ITPRID2: variants seen among roughly 807,000 people sequenced by gnomAD.
The protein encoded by ITPRID2 is protein ITPRID2.
In ITPRID2, 60 loss-of-function variants were observed where a neutral mutation model predicts 124.3. The observed-to-expected ratio is 0.48, with a 90% confidence interval of 0.39 to 0.60. The LOEUF (loss-of-function observed/expected upper bound fraction) is 0.60, where lower values mean the gene tolerates loss of function less well. Among genes scored for constraint, ITPRID2 ranks in the 20% least tolerant of loss-of-function variants. ITPRID2 has a pLI of 0.00. For synonymous variants in ITPRID2, 521 were observed against 542.9 expected, an observed-to-expected ratio of 0.96 and a Z score of 0.56; for missense variants, 1,553 against 1,512.2, an observed-to-expected ratio of 1.03 and a Z score of -0.45.
intron 2 of ITPRID2, chr2:181,893,743 G>A (rs1044059717): frequency 1.3e-5 from 2 of 152,172 alleles, no homozygotes; most frequent in Non-Finnish European, 2.9e-5. Flanking sequence ...TTACAATCTA[G>A]CTGTAAATCA....
chr2:181,897,977 T>A (rs1348673401), intron 4 of ITPRID2, among the ~76,000 whole-genome samples: 1 of 152,038 alleles, frequency 6.6e-6, no homozygotes, highest in Non-Finnish European at 1.5e-5. Flanking sequence ...GTTATTAAAA[T>A]GCACTTTGCA....
Position 181,892,394 on chromosome 2 carries a change from A to T in ITPRID2, c.211+117A>T. On this transcript the variant is annotated intron_variant, in intron 1 of 17. Coordinates refer to ENST00000431877, the MANE Select transcript of ITPRID2 (RefSeq NM_001130445.3). The surrounding 1 kb of genome is among the most constrained non-coding windows in gnomAD (Gnocchi z 5.2). ...CTCGGGCACGGTAGGCCGAGGGGAG[A>T]GGGGACACTTCCGACCTTCAAACGC... 7.9e-7 allele frequency: 1 copy of T among 1,267,048 alleles called. No individual in the cohort carries two copies. Among genetic ancestry groups the T allele is most frequent in the Non-Finnish European group, 1.1e-6 (1 of 928,958 alleles). 78.5% of individuals were successfully genotyped at this position (1,267,048 alleles called of 1,614,324 possible).
intron 8 of ITPRID2, among the ~76,000 whole-genome samples, chr2:181,909,351 A>G (rs1391930888): frequency 2.0e-5 from 3 of 152,182 alleles, no homozygotes; most frequent in Non-Finnish European, 2.9e-5. Flanking sequence ...TCTATTTTCA[A>G]AGATGCGAGA....
chr2:181,900,461 G>T (rs1212055322), intron 6 of ITPRID2, among the ~76,000 whole-genome samples: 2 of 152,128 alleles, frequency 1.3e-5, no homozygotes, highest in Non-Finnish European at 2.9e-5. Context: ...GTTCGTTGGG[G>T]TTAGCTCTTT....
chr2:181,903,705 T>C (rs945112216), intron 8 of ITPRID2, among the ~76,000 whole-genome samples: 3 of 152,176 alleles, frequency 2.0e-5, no homozygotes, highest in African/African-American at 7.2e-5. Context: ...TTTCTTTGTA[T>C]ATGTTTATAT....
Position 181,902,364 on chromosome 2 carries a change from T to A in ITPRID2, c.1311T>A (p.Ser437Arg). Reference sequence around the variant, plus strand: ...TGGAAAATAGCAGTGAGCTGAAAAGTGTCCATATATCCACACCTGAAAAAG... The same window carrying A: ...TGGAAAATAGCAGTGAGCTGAAAAGAGTCCATATATCCACACCTGAAAAAG... Reference protein sequence around the residue: ...SELENSSELKSVHISTPEKEP... With the variant: ...SELENSSELKRVHISTPEKEP... The change falls in exon 8 of 18, where the codon AGT becomes AGA. Residue 437 changes from serine to arginine, a missense_variant. Physicochemically the swap from Ser to Arg is moderately radical, Grantham distance 110. Transcript: ENST00000431877. The surrounding 1 kb of genome is among the most constrained non-coding windows in gnomAD (Gnocchi z 4.4). The A allele has an allele frequency of 6.2e-7, 1 of 1,613,920 alleles. No individual in the cohort carries two copies. Among genetic ancestry groups the A allele is most frequent in the Non-Finnish European group, 8.5e-7 (1 of 1,179,874 alleles).
Position 181,892,805 on chromosome 2 carries a change from C to T in ITPRID2, c.257+145C>T, listed in dbSNP as rs972108635. 3.4e-6 allele frequency: 3 copies of T among 869,796 alleles called. No homozygotes were observed. Among genetic ancestry groups the T allele is most frequent in the African/African-American group, 3.4e-5 (2 of 59,568 alleles). 53.9% of individuals were successfully genotyped at this position (869,796 alleles called of 1,614,324 possible). On this transcript the variant is annotated intron_variant, in intron 2 of 17. Coordinates refer to ENST00000431877, the MANE Select transcript of ITPRID2 (RefSeq NM_001130445.3). The surrounding 1 kb of genome is among the most constrained non-coding windows in gnomAD (Gnocchi z 5.2). ...AAGTGAGCCGGCGGATAGCTTCCTC[C>T]TCTAAGCGATTAGAAATGGAAGTGC...
At chr2:181,918,207 C>A in intron 11 of ITPRID2, 1 of 692,626 alleles carries the variant, frequency 1.4e-6, no homozygotes, top group Non-Finnish European at 1.8e-6. Context: ...GCTAAGATGT[C>A]TGAGAAAGAC....
chr2:181,916,995 T>C (rs1694112851), intron 11 of ITPRID2: 2 of 985,594 alleles, frequency 2.0e-6, no homozygotes, highest in African/African-American at 1.7e-5. Context: ...GACCAGAAAA[T>C]AACAAATCAG....
chr2:181,892,470 C>T lies in ITPRID2; in HGVS notation c.212-145C>T, dbSNP rs1691813853. On this transcript the variant is annotated intron_variant, in intron 1 of 17. Coordinates refer to ENST00000431877, the MANE Select transcript of ITPRID2 (RefSeq NM_001130445.3). The surrounding 1 kb of genome is among the most constrained non-coding windows in gnomAD (Gnocchi z 5.2). ...GTCAACACAGACAACTGGGTGCCAT[C>T]CGATTTCCCTGCCAAGGGACACTGA... The T allele has an allele frequency of 2.5e-6, 3 of 1,205,944 alleles. No homozygotes were observed. In the South Asian group the frequency reaches 4.1e-5, roughly 17 times the overall value. 74.7% of individuals were successfully genotyped at this position (1,205,944 alleles called of 1,614,324 possible).
At chr2:181,898,439 A>G (rs575358125) in intron 4 of ITPRID2, among the ~76,000 whole-genome samples, 1 of 152,052 alleles carries the variant, frequency 6.6e-6, no homozygotes, top group Non-Finnish European at 1.5e-5. Context: ...CCTTAAAAAA[A>G]ATTCACATTA....
At chr2:181,917,267 A>G (rs952872244) in intron 11 of ITPRID2, 1 of 152,698 alleles carries the variant, frequency 6.5e-6, no homozygotes, top group African/African-American at 2.4e-5. Context: ...AATGAATGTA[A>G]TAGACCTCTT....
At chr2:181,900,965 G>T (rs546820433) in intron 7 of ITPRID2, 61 bp downstream of exon 7, 3 of 1,320,684 alleles carry the variant, frequency 2.3e-6, no homozygotes, top group Admixed American at 5.1e-5. Context: ...CAGCAAGATG[G>T]TCTTATTTTA....
chr2:181,899,691 A>G (rs1462249407), intron 6 of ITPRID2, among the ~76,000 whole-genome samples: 2 of 152,140 alleles, frequency 1.3e-5, no homozygotes, highest in Admixed American at 6.5e-5. Context: ...AAAAAATGCA[A>G]AAATTAGCTG....
Position 181,915,998 on chromosome 2 carries a change from G to A in ITPRID2, c.2358G>A (p.Arg786=), listed in dbSNP as rs748314005. The A allele has an allele frequency of 2.5e-6, 4 of 1,614,144 alleles. No homozygotes were observed. In the Admixed American group the frequency reaches 6.7e-5, roughly 27 times the overall value. ...TPEEEQELEK[R]VMEHDGQSLV... ...AAGAGGAGCAGGAATTGGAAAAGCG[G>A]GTGATGGAACATGATGGTCAGTCTT... Residue 786 remains arginine, a synonymous_variant, in exon 11 of 18, where the codon CGG becomes CGA. Coordinates refer to ENST00000431877, the MANE Select transcript of ITPRID2 (RefSeq NM_001130445.3).
intron 16 of ITPRID2, among the ~76,000 whole-genome samples, chr2:181,926,915 T>A (rs990625305): frequency 5.9e-5 from 9 of 152,212 alleles, no homozygotes; most frequent in Non-Finnish European, 1.3e-4. Context: ...AGATTCTGGT[T>A]TTTAAAATAT....
chr2:181,920,617 C>T lies in ITPRID2; in HGVS notation c.3165C>T (p.Ser1055=), dbSNP rs370419249. 2.4e-5 allele frequency: 38 copies of T among 1,613,134 alleles called. No homozygotes were observed. The Admixed American group carries it at 4.2e-4, about 18-fold the overall frequency. The change falls in exon 15 of 18, where the codon AGC becomes AGT. Residue 1055 remains serine (S), a synonymous_variant. Coordinates refer to ENST00000431877, the MANE Select transcript of ITPRID2 (RefSeq NM_001130445.3). ...SALMGMCGSR[S]ADNLSCPSPL... is the part of the protein sequence containing the mutation. ...TTCAGGGAATGTGTGGCAGTAGAAG[C>T]GCTGATAACTTGTCATGCCCTTCTC...
Position 181,929,655 on chromosome 2 carries a change from G to A in ITPRID2, c.*108G>A, listed in dbSNP as rs777744942. On this transcript the variant is annotated 3_prime_UTR_variant, in exon 18 of 18. Transcript: ENST00000431877. The stretch of plus-strand genomic sequence containing the variant: ...TGTGCTTTAGAAGATACTTGCTGTT[G>A]AGCTGGGCTACTGTATACAGTGTAC... 6.2e-7 allele frequency: 1 copy of A among 1,607,122 alleles called. No individual in the cohort carries two copies. Among genetic ancestry groups the A allele is most frequent in the Non-Finnish European group, 8.5e-7 (1 of 1,174,124 alleles).
At chr2:181,921,855 A>G in intron 15 of ITPRID2, 93 bp from the exon 16 acceptor site, 1 of 1,083,020 alleles carries the variant, frequency 9.2e-7, no homozygotes, top group South Asian at 1.6e-5. Flanking sequence ...AAATTACATG[A>G]TTTTAGGCAA....
Sources: allele counts gnomAD v4.1 joint callset (sites outside exome capture counted in the v4.1 genomes callset), GRCh38; gene constraint gnomAD v4.1.1; non-coding constraint Gnocchi (gnomAD v3.1); transcripts MANE v1.5; gene names NCBI Gene and HGNC (gene_info 2026-07-23, HGNC 2026-07-21).